The following GABRA6 variants were observed in gnomAD, a reference collection of about 807,000 sequenced individuals.
GABRA6 encodes gamma-aminobutyric acid type A receptor subunit alpha6.
A neutral mutation model predicts 47.3 loss-of-function variants in GABRA6; 45 were observed. The observed-to-expected ratio is 0.95, with a 90% CI of 0.75 to 1.22. The LOEUF is 1.22. Among genes scored for constraint, GABRA6 ranks in the 50% most tolerant of loss-of-function variants. GABRA6 has a pLI of 0.00. For missense variants in GABRA6, 583 were observed against 549.3 expected (o/e 1.06, Z -0.61); for synonymous variants, 219 against 194.7 (o/e 1.12, Z -1.04).
At chr5:161,692,269 CG>C in intron 8 of GABRA6, 69 bp downstream of exon 8, 7 of 1,585,026 alleles carry the variant, frequency 4.4e-6, no homozygotes, top group Non-Finnish European at 6.1e-6. Flanking sequence ...TCAGAAACAA[CG>C]AAAGTGTCCA....
rs1323736091 is a variant in GABRA6 at position 161,702,105 on chromosome 5, C to A, written c.*332C>A. The stretch of plus-strand genomic sequence containing the variant: ...ACTGTAAATAACATTTACCACAAGG[C>A]AGATAAAATAAGAAATGCTGACACT... On this transcript the variant is annotated 3_prime_UTR_variant, in exon 9 of 9. Coordinates refer to ENST00000274545, the MANE Select transcript of GABRA6 (RefSeq NM_000811.3). 4 of 282,848 alleles carry A rather than the reference C, an allele frequency of 1.4e-5. No individual in the cohort carries two copies. The East Asian group carries it at 3.2e-4, about 23-fold the overall frequency. The allele number at this position is 282,848 out of a possible 1,614,324, so 17.5% of individuals were successfully genotyped here. A position where few individuals can be genotyped will look rare whatever the true frequency, so the allele number is the denominator to read the frequency against.
Position 161,686,337 on chromosome 5 carries a change from C to T in GABRA6, c.146C>T (p.Pro49Leu), listed in dbSNP as rs983522820. The change falls in exon 2 of 9, where the codon CCG becomes CTG. Residue 49 changes from proline to leucine, a missense_variant. Pro to Leu is a moderately conservative substitution (Grantham distance 98). Transcript: ENST00000274545. ...GAAGGCTATGACAATCGGCTGCGGCCGGGATTTGGAGGTAAGAAGCTGCAT... is the reference window on the plus strand; with the variant it reads ...GAAGGCTATGACAATCGGCTGCGGCTGGGATTTGGAGGTAAGAAGCTGCAT... ...LLEGYDNRLR[P>L]GFGGAVTEVK... 5.6e-6 allele frequency: 9 copies of T among 1,612,992 alleles called. No homozygotes were observed. The highest frequency in any genetic ancestry group is 5.0e-5 in the Admixed American group (3 of 59,994).
Position 161,690,330 on chromosome 5 carries a change from C to T in GABRA6, c.803C>T (p.Ser268Phe). 1.2e-6 allele frequency: 2 copies of T among 1,613,626 alleles called. No individual in the cohort carries two copies. Among genetic ancestry groups the T allele is most frequent in the Non-Finnish European group, 1.7e-6 (2 of 1,179,838 alleles). ...GTGTCTTTCTGGATTAATAAGGAGT[C>T]CGTCCCAGCAAGAACTGTTTTTGGT... is the stretch of plus-strand genomic sequence containing the variant. ...SQVSFWINKESVPARTVFGIT... is the reference protein window; with the variant it reads ...SQVSFWINKEFVPARTVFGIT... The change falls in exon 7 of 9, where the codon TCC becomes TTC. Residue 268 changes from serine (S) to phenylalanine (F), a missense_variant. Physicochemically the swap from Ser to Phe is radical, Grantham distance 155. Coordinates refer to ENST00000274545, the MANE Select transcript of GABRA6 (RefSeq NM_000811.3).
At chr5:161,687,854 A>G (rs1383921664) in intron 3 of GABRA6, among the ~76,000 whole-genome samples, 1 of 152,204 alleles carries the variant, frequency 6.6e-6, no homozygotes, top group Non-Finnish European at 1.5e-5. Flanking sequence ...GATATGGAGG[A>G]AAAGAAAGAA....
intron 8 of GABRA6, among the ~76,000 whole-genome samples, chr5:161,693,928 AG>A: frequency 6.6e-6 from 1 of 152,328 alleles, no homozygotes; most frequent in Admixed American, 6.5e-5. Flanking sequence ...GAAATATGCC[AG>A]GGTGCATACC....
intron 3 of GABRA6, chr5:161,687,374 C>T (rs1403963664): frequency 3.4e-5 from 13 of 387,704 alleles, no homozygotes; most frequent in Non-Finnish European, 6.0e-5. Flanking sequence ...TTGAGTATGT[C>T]TATAAAACCT....
At chr5:161,696,952 G>T (rs1305053242) in intron 8 of GABRA6, among the ~76,000 whole-genome samples, 1 of 152,088 alleles carries the variant, frequency 6.6e-6, no homozygotes, top group Non-Finnish European at 1.5e-5. Flanking sequence ...TAAATGGTGG[G>T]GGTGATAGGT....
intron 8 of GABRA6, among the ~76,000 whole-genome samples, chr5:161,698,054 C>A (rs1274106233): frequency 6.6e-6 from 1 of 152,156 alleles, no homozygotes; most frequent in African/African-American, 2.4e-5. Context: ...AACTTTTCAT[C>A]CCCCTCTTTG....
chr5:161,692,345 C>A (rs1754809143), intron 8 of GABRA6, 145 bp downstream of exon 8: 1 of 910,516 alleles, frequency 1.1e-6, no homozygotes, highest in Non-Finnish European at 1.7e-6. Flanking sequence ...AGTTTCTGTT[C>A]CAACTTCACA....
chr5:161,700,640 C>G (rs1313780516), intron 8 of GABRA6, among the ~76,000 whole-genome samples: 1 of 152,198 alleles, frequency 6.6e-6, no homozygotes, highest in Non-Finnish European at 1.5e-5. Flanking sequence ...TGGACCCTAG[C>G]CTCACTTGCC....
At chr5:161,687,387 A>G (rs1365879553) in intron 3 of GABRA6, 1 of 397,898 alleles carries the variant, frequency 2.5e-6, no homozygotes, top group South Asian at 1.9e-5. Context: ...TAAAACCTAA[A>G]GCATAATTGT....
chr5:161,693,457 C>G lies in GABRA6; in HGVS notation c.1086+1257C>G, dbSNP rs370701006. On this transcript the variant is annotated intron_variant, in intron 8 of 8. Coordinates refer to ENST00000274545, the MANE Select transcript of GABRA6 (RefSeq NM_000811.3). The stretch of plus-strand genomic sequence containing the variant: ...TACCTTCTTTTATAAGTGAAAAACA[C>G]AGTCTAGGAGAGGGAAAATATTAGT... Among the ~76,000 whole-genome samples, 45 of 152,092 alleles carry G rather than the reference C, an allele frequency of 3.0e-4. No homozygotes were observed. In the East Asian group the frequency reaches 5.6e-3, roughly 19 times the overall value.
chr5:161,692,777 A>G (rs947963616), intron 8 of GABRA6, among the ~76,000 whole-genome samples: 11 of 152,232 alleles, frequency 7.2e-5, no homozygotes, highest in African/African-American at 2.7e-4. Flanking sequence ...TTTATAGTCA[A>G]TGGCTTACGT....
rs1156579974 is a variant in GABRA6, at chr5:161,702,158, T to C, written c.*385T>C. On this transcript the variant is annotated 3_prime_UTR_variant, in exon 9 of 9. Transcript: ENST00000274545. ...CAAAGGTTGCCTTAAAATATGTTTATTTTGGCTTAGTTCCCGAGAGGGCAA... is the reference window on the plus strand; with the variant it reads ...CAAAGGTTGCCTTAAAATATGTTTACTTTGGCTTAGTTCCCGAGAGGGCAA... 1 of 234,220 alleles carries C rather than the reference T, an allele frequency of 4.3e-6. No individual in the cohort carries two copies. The highest frequency in any genetic ancestry group is 2.3e-5 in the African/African-American group (1 of 43,852). 14.5% of individuals were successfully genotyped at this position (234,220 alleles called of 1,614,324 possible).
At chr5:161,689,907 T>A in intron 6 of GABRA6, 128 bp downstream of exon 6, 1 of 969,082 alleles carries the variant, frequency 1.0e-6, no homozygotes, top group Non-Finnish European at 1.6e-6. Context: ...CAGTGATGAG[T>A]AGCTTTCCTT....
chr5:161,686,125 C>T, intron 1 of GABRA6, 98 bp downstream of exon 1: 1 of 1,384,854 alleles, frequency 7.2e-7, no homozygotes. Context: ...ATGAAAGAGG[C>T]CAGAAGTGGT....
At chr5:161,698,439 T>C (rs1032965091) in intron 8 of GABRA6, among the ~76,000 whole-genome samples, 2 of 151,998 alleles carry the variant, frequency 1.3e-5, no homozygotes, top group Non-Finnish European at 1.5e-5. Context: ...GAAATAAAGA[T>C]AGGTGAGTGG....
chr5:161,692,054 G>T lies in GABRA6; in HGVS notation c.940G>T (p.Val314Phe). 6.2e-7 allele frequency: 1 copy of T among 1,614,092 alleles called. No individual in the cohort carries two copies. Among genetic ancestry groups the T allele is most frequent in the Middle Eastern group, 1.6e-4 (1 of 6,062 alleles). The change falls in exon 8 of 9, where the codon GTC (valine) becomes TTC (phenylalanine). Residue 314 changes from valine to phenylalanine, a missense_variant. Physicochemically the swap from Val to Phe is conservative, Grantham distance 50. Coordinates refer to ENST00000274545, the MANE Select transcript of GABRA6 (RefSeq NM_000811.3). ...GTTCATAGCTGTTTGCTTTGCATTCGTCTTCTCTGCGCTTATCGAGTTCGC... is the reference window on the plus strand; with the variant it reads ...GTTCATAGCTGTTTGCTTTGCATTCTTCTTCTCTGCGCTTATCGAGTTCGC... ...DWFIAVCFAFVFSALIEFAAV... is the reference protein window; with the variant it reads ...DWFIAVCFAFFFSALIEFAAV...
intron 8 of GABRA6, among the ~76,000 whole-genome samples, chr5:161,700,227 C>T (rs200347046): frequency 1.3e-5 from 2 of 152,178 alleles, no homozygotes; most frequent in South Asian, 2.1e-4. Context: ...ATACTGTTGC[C>T]GCAGTGTTGC....
Sources: allele counts gnomAD v4.1 joint callset (sites outside exome capture counted in the v4.1 genomes callset), GRCh38; gene constraint gnomAD v4.1.1; transcripts MANE v1.5; gene names NCBI Gene and HGNC (gene_info 2026-07-23, HGNC 2026-07-21).